PKHD1L1: variants seen among roughly 807,000 people sequenced by gnomAD.
The protein encoded by PKHD1L1 is PKHD1 like 1, also known as fibrocystin-L.
In PKHD1L1, 434 loss-of-function variants were observed where a neutral mutation model predicts 462.9. The observed-to-expected ratio is 0.94, with a 90% CI of 0.87 to 1.02. The LOEUF (loss-of-function observed/expected upper bound fraction) is 1.02, where lower values mean the gene tolerates loss of function less well. Among genes scored for constraint, PKHD1L1 ranks in the 50% least tolerant of loss-of-function variants. The pLI is 0.00. For synonymous variants in PKHD1L1, 1,781 were observed against 1,750.0 expected (o/e 1.02, Z -0.44); for missense variants, 5,202 against 5,096.1 (o/e 1.02, Z -0.63).
At chr8:109,442,476 G>A (rs1055274948) in intron 35 of PKHD1L1, among the ~76,000 whole-genome samples, 14 of 152,102 alleles carry the variant, frequency 9.2e-5, no homozygotes, top group Admixed American at 9.2e-4. Flanking sequence ...CAATAAAATA[G>A]GAATATATGT....
intron 50 of PKHD1L1, among the ~76,000 whole-genome samples, chr8:109,472,714 T>TG (rs1335213010): frequency 9.7e-6 from 1 of 103,566 alleles, no homozygotes; most frequent in Non-Finnish European, 2.1e-5. Context: ...CTTCTGTGTG[T>TG]GAAAAAAAAA....
chr8:109,515,530 GT>G (rs1001037929), intron 72 of PKHD1L1, among the ~76,000 whole-genome samples: 2 of 152,096 alleles, frequency 1.3e-5, no homozygotes, highest in African/African-American at 4.8e-5. Flanking sequence ...GCAGATATGA[GT>G]TTTTGTTTAT....
intron 18 of PKHD1L1, among the ~76,000 whole-genome samples, chr8:109,408,980 G>C (rs897142079): frequency 2.0e-5 from 3 of 152,134 alleles, no homozygotes; most frequent in Non-Finnish European, 4.4e-5. Context: ...ATCTCCATAG[G>C]GGGCAGCCAT....
intron 68 of PKHD1L1, among the ~76,000 whole-genome samples, chr8:109,506,091 T>C (rs1205979097): frequency 2.0e-5 from 3 of 152,318 alleles, no homozygotes; most frequent in African/African-American, 7.2e-5. Context: ...TCACTGAATC[T>C]TTCAGATTCA....
chr8:109,534,488 T>A lies in PKHD1L1; in HGVS notation c.*4398T>A, dbSNP rs1821107618. On this transcript the variant is annotated 3_prime_UTR_variant, in exon 78 of 78. Transcript: ENST00000378402. ...AAAAAAAAAACCCAAAAAACTTTAA[T>A]CTGAATCCATTATGTGTTGGGTTGG... Among the ~76,000 whole-genome samples the A allele has an allele frequency of 6.6e-6, 1 of 151,890 alleles. No homozygotes were observed. Among genetic ancestry groups the A allele is most frequent in the African/African-American group, 2.4e-5 (1 of 41,364 alleles).
At chr8:109,483,419 G>A (rs1458652736) in intron 57 of PKHD1L1, among the ~76,000 whole-genome samples, 1 of 148,356 alleles carries the variant, frequency 6.7e-6, no homozygotes. Flanking sequence ...CTATAGATTA[G>A]TCATACAATA....
At chr8:109,372,052 T>C (rs1029094197) in intron 2 of PKHD1L1, among the ~76,000 whole-genome samples, 1 of 152,206 alleles carries the variant, frequency 6.6e-6, no homozygotes, top group East Asian at 1.9e-4. Flanking sequence ...AAGTCATTGG[T>C]AGCTTGATGG....
chr8:109,475,406 T>C (rs1475683373), intron 51 of PKHD1L1, 137 bp downstream of exon 51: 8 of 758,998 alleles, frequency 1.1e-5, no homozygotes, highest in African/African-American at 1.8e-5. Context: ...TGCACATTCT[T>C]TGTGAGCCAC....
At chr8:109,421,088 G>A (rs1294078903) in intron 23 of PKHD1L1, among the ~76,000 whole-genome samples, 3 of 151,784 alleles carry the variant, frequency 2.0e-5, no homozygotes, top group Non-Finnish European at 4.4e-5. Flanking sequence ...TTATACAAGG[G>A]AAGAAAGAAG....
In PKHD1L1 at chr8:109,530,426, C is replaced by G. The variant is rs1821012499; in HGVS notation, c.*336C>G. On this transcript the variant is annotated 3_prime_UTR_variant, in exon 78 of 78. Coordinates refer to ENST00000378402, the MANE Select transcript of PKHD1L1 (RefSeq NM_177531.6). ...AGCTTGTCTAGTTCCGACTTAAGCTCTTTACATCAGATTGGAAGCATTTTA... is the reference window on the plus strand; with the variant it reads ...AGCTTGTCTAGTTCCGACTTAAGCTGTTTACATCAGATTGGAAGCATTTTA... The G allele has an allele frequency of 6.1e-6, 1 of 163,172 alleles. No homozygotes were observed. The highest frequency in any genetic ancestry group is 1.3e-5 in the Non-Finnish European group (1 of 75,368). 10.1% of individuals were successfully genotyped at this position (163,172 alleles called of 1,614,324 possible).
intron 35 of PKHD1L1, 58 bp downstream of exon 35, chr8:109,442,253 T>C: frequency 6.9e-7 from 1 of 1,443,046 alleles, no homozygotes; most frequent in Non-Finnish European, 9.4e-7. Context: ...TGTAATAAAA[T>C]GACATTTTGT....
rs964685308 is a variant in PKHD1L1 at position 109,481,436 on chromosome 8, G to A, written c.9331G>A (p.Gly3111Ser). ...ACAATTTTCTGCTTCATTTCAGGGA[G>A]GTAGATTAATCGGTGGCTGGGAAGA... Reference protein sequence around the residue: ...LNATYISLQGGRLIGGWEDNP... With the variant: ...LNATYISLQGSRLIGGWEDNP... Residue 3111 changes from glycine to serine, a missense_variant, in exon 56 of 78, where the codon GGT (glycine) becomes AGT (serine). This residue lies in a region of PKHD1L1 where 4,497 missense variants were observed against 4,336.8 expected (regional missense o/e 1.04). Coordinates refer to ENST00000378402, the MANE Select transcript of PKHD1L1 (RefSeq NM_177531.6). 3.1e-6 allele frequency: 5 copies of A among 1,591,732 alleles called. No homozygotes were observed. The African/African-American group carries it at 6.7e-5, about 21-fold the overall frequency.
rs114841851 is a variant in PKHD1L1, at chr8:109,536,183, T to C, written c.*6093T>C. Among the ~76,000 whole-genome samples, 1,010 of 152,352 alleles carry C rather than the reference T, an allele frequency of 6.6e-3. 9 individuals carry two copies. The highest frequency in any genetic ancestry group is 0.023 in the African/African-American group (963 of 41,578). Reference sequence around the variant, plus strand: ...GTACTGATCTTGAAGATAACAAATCTGCCTGCTTCAAAGGTTTCACCGATT... The same window carrying C: ...GTACTGATCTTGAAGATAACAAATCCGCCTGCTTCAAAGGTTTCACCGATT... On this transcript the variant is annotated 3_prime_UTR_variant, in exon 78 of 78. Coordinates refer to ENST00000378402, the MANE Select transcript of PKHD1L1 (RefSeq NM_177531.6).
At chr8:109,367,671 C>T (rs1226544966) in intron 2 of PKHD1L1, among the ~76,000 whole-genome samples, 3 of 152,236 alleles carry the variant, frequency 2.0e-5, no homozygotes, top group Non-Finnish European at 4.4e-5. Context: ...TCACTTGAGG[C>T]CAGGAGTTTG....
intron 50 of PKHD1L1, among the ~76,000 whole-genome samples, chr8:109,472,384 C>G (rs1269204119): frequency 6.6e-6 from 1 of 151,984 alleles, no homozygotes; most frequent in African/African-American, 2.4e-5. Flanking sequence ...TAGAAAGGAG[C>G]TTTTGTTTGC....
intron 65 of PKHD1L1, 27 bp from the exon 66 acceptor site, chr8:109,498,435 T>C (rs1363158564): frequency 1.3e-6 from 2 of 1,504,764 alleles, no homozygotes; most frequent in Non-Finnish European, 1.8e-6. Flanking sequence ...TTATTAATGC[T>C]ATATTGTTTG....
At position 109,523,222 on chromosome 8, in the gene PKHD1L1, T is replaced by G; in HGVS notation, c.12331-11T>G. 2 of 1,573,066 alleles carry G rather than the reference T, an allele frequency of 1.3e-6. No homozygotes were observed. Among genetic ancestry groups the G allele is most frequent in the Non-Finnish European group, 1.7e-6 (2 of 1,161,566 alleles). On this transcript the variant is annotated splice_polypyrimidine_tract_variant and intron_variant, in intron 75 of 77. Transcript: ENST00000378402. ...AATTGTTATAATTATCTACTTTTTT[T>G]TTTTTTTTAGGGTAACTGTGTATCA...
At chr8:109,405,509 T>A (rs943506008) in intron 16 of PKHD1L1, among the ~76,000 whole-genome samples, 28 of 152,052 alleles carry the variant, frequency 1.8e-4, no homozygotes, top group African/African-American at 6.3e-4. Flanking sequence ...TATGCAGCCA[T>A]AAAAAGGGAT....
chr8:109,435,052 AAT>A, intron 28 of PKHD1L1, 136 bp from the exon 29 acceptor site: 1 of 803,132 alleles, frequency 1.2e-6, no homozygotes, highest in Non-Finnish European at 1.9e-6. Flanking sequence ...CCCACACATT[AAT>A]ATATGATTGG....
Sources: allele counts gnomAD v4.1 joint callset (sites outside exome capture counted in the v4.1 genomes callset), GRCh38; gene constraint gnomAD v4.1.1; regional missense constraint gnomAD v4.1.1; transcripts MANE v1.5; gene names NCBI Gene and HGNC (gene_info 2026-07-23, HGNC 2026-07-21).